PSD3: variants seen among roughly 807,000 people sequenced by gnomAD.
PSD3 encodes the protein pleckstrin and Sec7 domain containing 3.
A neutral mutation model predicts 105.5 loss-of-function variants in PSD3; 49 were observed. The observed-to-expected ratio is 0.46, with a 90% CI of 0.37 to 0.59. PSD3 has a LOEUF of 0.59. Among genes scored for constraint, PSD3 ranks in the 20% least tolerant of loss-of-function variants. The pLI is 0.00. For synonymous variants in PSD3, 557 were observed against 457.8 expected (o/e 1.22, Z -2.77); for missense variants, 1,561 against 1,263.8 (o/e 1.24, Z -3.57).
intron 1 of PSD3, among the ~76,000 whole-genome samples, chr8:19,026,379 T>C (rs1199936582): frequency 6.6e-6 from 1 of 151,010 alleles, no homozygotes; most frequent in Non-Finnish European, 1.5e-5. Flanking sequence ...CTCTCAGAGG[T>C]TTTTTTTTGT....
chr8:18,727,537 T>TAAA (rs11397776), intron 9 of PSD3, among the ~76,000 whole-genome samples: 1 of 143,076 alleles, frequency 7.0e-6, no homozygotes, highest in African/African-American at 2.6e-5. Context: ...ATAGCTAAAT[T>TAAA]AAAAAAAAAT....
At chr8:18,908,954 T>A (rs1245622271) in intron 2 of PSD3, among the ~76,000 whole-genome samples, 2 of 151,988 alleles carry the variant, frequency 1.3e-5, no homozygotes, top group Admixed American at 1.3e-4. Flanking sequence ...AAAACAAGAG[T>A]CTCTAGTCAT....
chr8:19,023,373 G>C (rs1430438952), intron 1 of PSD3, among the ~76,000 whole-genome samples: 1 of 151,784 alleles, frequency 6.6e-6, no homozygotes, highest in Non-Finnish European at 1.5e-5. Flanking sequence ...TAGGTAGTTA[G>C]TGGCTACTGA....
chr8:18,986,094 G>A (rs1740184114), intron 1 of PSD3, among the ~76,000 whole-genome samples: 1 of 152,060 alleles, frequency 6.6e-6, no homozygotes, highest in African/African-American at 2.4e-5. Context: ...CATTAACTTA[G>A]ATTAATTGTG....
intron 12 of PSD3, among the ~76,000 whole-genome samples, chr8:18,586,275 C>T (rs1008734773): frequency 1.3e-5 from 2 of 152,084 alleles, no homozygotes; most frequent in Admixed American, 6.6e-5. Flanking sequence ...ACTTGGCACT[C>T]GCTCCTGTGT....
chr8:18,627,472 G>C (rs1268406441), intron 11 of PSD3, among the ~76,000 whole-genome samples: 2 of 152,034 alleles, frequency 1.3e-5, no homozygotes, highest in African/African-American at 4.8e-5. Context: ...ACAATTTCAA[G>C]GGCTCACACA....
chr8:18,970,455 T>G (rs1824578769), intron 1 of PSD3, among the ~76,000 whole-genome samples: 1 of 151,508 alleles, frequency 6.6e-6, no homozygotes, highest in Non-Finnish European at 1.5e-5. Context: ...TCCCTAAAGG[T>G]CTGGAAAAAC....
rs539973272 is a variant in PSD3 at position 18,747,983 on chromosome 8, G to A, written c.2172+17466C>T. ...GTTTGGAAAGACTACGGAAGTCTTC[G>A]TATGTACTAGAAGCTTTAAGGGCAA... On this transcript the variant is annotated intron_variant, in intron 9 of 15. Transcript: ENST00000327040. 3.3e-5 allele frequency among the ~76,000 whole-genome samples: 5 copies of A among 152,206 alleles called. No homozygotes were observed. The East Asian group carries it at 7.8e-4, about 24-fold the overall frequency.
intron 1 of PSD3, among the ~76,000 whole-genome samples, chr8:18,967,860 C>A (rs1194404444): frequency 6.6e-6 from 1 of 152,192 alleles, no homozygotes; most frequent in Non-Finnish European, 1.5e-5. Flanking sequence ...CCAACACAGA[C>A]TTTTTCCAAG....
chr8:18,578,549 A>C (rs772181307), intron 12 of PSD3, among the ~76,000 whole-genome samples: 3 of 152,088 alleles, frequency 2.0e-5, no homozygotes, highest in Non-Finnish European at 2.9e-5. Flanking sequence ...GATATATATC[A>C]CAATGTCTAA....
chr8:18,865,433 A>C (rs1429682067), intron 4 of PSD3, among the ~76,000 whole-genome samples: 4 of 151,536 alleles, frequency 2.6e-5, no homozygotes, highest in Non-Finnish European at 5.9e-5. Context: ...GGAGTAAAGA[A>C]AAATATGGGT....
intron 14 of PSD3, among the ~76,000 whole-genome samples, chr8:18,565,979 T>G (rs1469857332): frequency 6.6e-6 from 1 of 152,112 alleles, no homozygotes; most frequent in East Asian, 1.9e-4. Context: ...ATGTTAATGC[T>G]GCTGCGCTCG....
At chr8:18,623,646 A>G (rs1339862127) in intron 11 of PSD3, among the ~76,000 whole-genome samples, 2 of 94,480 alleles carry the variant, frequency 2.1e-5, no homozygotes, top group African/African-American at 8.7e-5. Context: ...TCCATCTCAG[A>G]AAAAAAAAAA....
intron 9 of PSD3, among the ~76,000 whole-genome samples, chr8:18,752,483 TATATATA>T (rs1563224777): frequency 0.024 from 889 of 37,220 alleles, 22 homozygotes; most frequent in African/African-American, 0.062. Context: ...TATATATTAT[TATATATA>T]TAATATATAT....
At chr8:18,545,763 C>T (rs983794137) in intron 15 of PSD3, among the ~76,000 whole-genome samples, 17 of 152,120 alleles carry the variant, frequency 1.1e-4, no homozygotes, top group African/African-American at 3.4e-4. Flanking sequence ...GAAGTCATAC[C>T]GGGTATCCCT....
intron 4 of PSD3, chr8:18,865,262 ATATATATATATATATATATATATATTT>A (rs1563360286): frequency 0.023 from 82 of 3,582 alleles, 8 homozygotes; most frequent in Non-Finnish European, 0.034. Flanking sequence ...ATATATATAT[ATATATATATATATATATATATATATTT>A]TTTTTTTTTT....
chr8:18,916,299 T>TAG (rs1820583423), intron 2 of PSD3, among the ~76,000 whole-genome samples: 4 of 404 alleles, frequency 9.9e-3, no homozygotes, highest in African/African-American at 0.048. Flanking sequence ...AAAAAAGTGA[T>TAG]ATATATATAT....
At chr8:18,551,028 G>T (rs1266418708) in intron 15 of PSD3, among the ~76,000 whole-genome samples, 1 of 152,136 alleles carries the variant, frequency 6.6e-6, no homozygotes, top group Non-Finnish European at 1.5e-5. Flanking sequence ...GGCTATCTTT[G>T]CACTTTTATG....
intron 1 of PSD3, among the ~76,000 whole-genome samples, chr8:18,948,614 A>G (rs1823009279): frequency 6.6e-6 from 1 of 152,202 alleles, no homozygotes; most frequent in Non-Finnish European, 1.5e-5. Flanking sequence ...ATCCTTATAA[A>G]CTAGGAAACC....
Sources: allele counts gnomAD v4.1 joint callset (sites outside exome capture counted in the v4.1 genomes callset), GRCh38; gene constraint gnomAD v4.1.1; transcripts MANE v1.5; gene names NCBI Gene and HGNC (gene_info 2026-07-23, HGNC 2026-07-21).